HTR1F: variants seen among roughly 807,000 people sequenced by gnomAD.
HTR1F encodes 5-hydroxytryptamine receptor 1F.
Under a neutral mutation model 24.0 loss-of-function variants are expected in HTR1F, and 17 were observed. That is an observed-to-expected ratio of 0.71 (90% CI 0.48 to 1.06). HTR1F has a LOEUF of 1.06. Among genes scored for constraint, HTR1F ranks in the 50% least tolerant of loss-of-function variants. HTR1F has a pLI of 0.00. For missense variants in HTR1F, 391 were observed against 427.8 expected (o/e 0.91, Z 0.76); for synonymous variants, 186 against 156.8 (o/e 1.19, Z -1.39).
chr3:87,952,617 C>T (rs1286043064), intron 2 of HTR1F, among the ~76,000 whole-genome samples: 2 of 151,976 alleles, frequency 1.3e-5, no homozygotes, highest in Non-Finnish European at 2.9e-5. Flanking sequence ...AATTTAAAAA[C>T]CTGTTTCTCA....
chr3:87,902,475 C>T (rs1044631287), intron 2 of HTR1F, among the ~76,000 whole-genome samples: 33 of 151,878 alleles, frequency 2.2e-4, no homozygotes, highest in African/African-American at 7.5e-4. Context: ...TAGAAGGTAA[C>T]GTACTTCATG....
intron 2 of HTR1F, among the ~76,000 whole-genome samples, chr3:87,913,221 G>A (rs145196476): frequency 4.6e-5 from 7 of 152,038 alleles, no homozygotes; most frequent in African/African-American, 1.4e-4. Flanking sequence ...GCACCTATAA[G>A]GAACCTAAAA....
chr3:87,928,488 A>G (rs1196533848), intron 2 of HTR1F, among the ~76,000 whole-genome samples: 1 of 152,066 alleles, frequency 6.6e-6, no homozygotes, highest in Non-Finnish European at 1.5e-5. Flanking sequence ...TTTTTATTTC[A>G]TGACTATATA....
At chr3:87,809,855 T>G (rs1443875987) in intron 1 of HTR1F, among the ~76,000 whole-genome samples, 2 of 152,100 alleles carry the variant, frequency 1.3e-5, no homozygotes, top group Non-Finnish European at 2.9e-5. Flanking sequence ...TTTTCCTTTC[T>G]TTAAGTTTGC....
At chr3:87,883,293 C>G (rs1575984551) in intron 2 of HTR1F, among the ~76,000 whole-genome samples, 1 of 152,006 alleles carries the variant, frequency 6.6e-6, no homozygotes, top group Non-Finnish European at 1.5e-5. Context: ...AAAAAGGACA[C>G]CCACACTAAA....
At chr3:87,820,270 G>C (rs1704330900) in intron 1 of HTR1F, among the ~76,000 whole-genome samples, 1 of 147,228 alleles carries the variant, frequency 6.8e-6, no homozygotes, top group Non-Finnish European at 1.5e-5. Flanking sequence ...TCCGCCTCCC[G>C]GGTTCACGCC....
intron 2 of HTR1F, among the ~76,000 whole-genome samples, chr3:87,912,114 G>T (rs1231114799): frequency 6.6e-6 from 1 of 151,762 alleles, no homozygotes; most frequent in Non-Finnish European, 1.5e-5. Context: ...AGGAAGAAAG[G>T]AAGTCAAACT....
In HTR1F at chr3:87,954,874, C is replaced by G. The variant is rs186234857; in HGVS notation, c.-42-35834C>G. ...ACTTATTAAACTTTCAACTCATTTT[C>G]CTGTTTTCAACCCCGTTCAACATCG... On this transcript the variant is annotated intron_variant, in intron 2 of 2. Coordinates refer to ENST00000319595, the MANE Select transcript of HTR1F (RefSeq NM_001322209.2). 4.0e-3 allele frequency among the ~76,000 whole-genome samples: 607 copies of G among 151,492 alleles called. 3 individuals are homozygous for G. Among genetic ancestry groups the G allele is most frequent in the Non-Finnish European group, 5.4e-3 (366 of 67,512 alleles).
chr3:87,871,539 G>C (rs554463982), intron 2 of HTR1F, among the ~76,000 whole-genome samples: 1 of 152,100 alleles, frequency 6.6e-6, no homozygotes, highest in Non-Finnish European at 1.5e-5. Context: ...GAAGAAAATG[G>C]ACATCTAAAT....
chr3:87,797,079 C>T (rs1023195991), intron 1 of HTR1F, among the ~76,000 whole-genome samples: 2 of 152,122 alleles, frequency 1.3e-5, no homozygotes, highest in African/African-American at 2.4e-5. Context: ...TTCAGACATA[C>T]AAAAATCATG....
intron 2 of HTR1F, among the ~76,000 whole-genome samples, chr3:87,854,515 T>A (rs1705158039): frequency 6.6e-6 from 1 of 152,004 alleles, no homozygotes; most frequent in Admixed American, 6.6e-5. Flanking sequence ...CTGAGTACAG[T>A]TTTTGTTGCT....
intron 2 of HTR1F, among the ~76,000 whole-genome samples, chr3:87,889,337 T>A (rs1210125103): frequency 1.3e-5 from 2 of 152,196 alleles, no homozygotes; most frequent in African/African-American, 4.8e-5. Flanking sequence ...AAATTGTGAA[T>A]GACTAAATTT....
intron 2 of HTR1F, among the ~76,000 whole-genome samples, chr3:87,859,410 C>A (rs1310653845): frequency 1.3e-5 from 2 of 152,142 alleles, no homozygotes; most frequent in Non-Finnish European, 2.9e-5. Flanking sequence ...CTGCAGACAA[C>A]AACAAGAATG....
Position 87,832,367 on chromosome 3 carries a change from G to A in HTR1F, c.-43+10243G>A, listed in dbSNP as rs535748863. ...TTTTGAGATGGAGTCTCGCTCTGTC[G>A]CCCAGGCTGGAGTGCAGTGGCGCGA... On this transcript the variant is annotated intron_variant, in intron 2 of 2. Coordinates refer to ENST00000319595, the MANE Select transcript of HTR1F (RefSeq NM_001322209.2). Among the ~76,000 whole-genome samples the A allele has an allele frequency of 8.9e-4, 117 of 130,960 alleles. 3 individuals carry two copies. The South Asian group carries it at 0.022, about 25-fold the overall frequency. 85.9% of individuals were successfully genotyped at this position (130,960 alleles called of 152,430 possible).
intron 2 of HTR1F, among the ~76,000 whole-genome samples, chr3:87,967,617 G>T (rs920289793): frequency 6.6e-6 from 1 of 151,632 alleles, no homozygotes; most frequent in African/African-American, 2.4e-5. Flanking sequence ...TTCCTGTGCT[G>T]TTCTCATGAT....
At chr3:87,915,968 T>C (rs1278821585) in intron 2 of HTR1F, among the ~76,000 whole-genome samples, 1 of 152,108 alleles carries the variant, frequency 6.6e-6, no homozygotes, top group Admixed American at 6.6e-5. Flanking sequence ...AAGCATCAGG[T>C]AACCTATAAA....
chr3:87,889,504 C>T (rs185112772), intron 2 of HTR1F, among the ~76,000 whole-genome samples: 10 of 152,108 alleles, frequency 6.6e-5, no homozygotes, highest in East Asian at 5.8e-4. Context: ...GCATAGAAAA[C>T]ATCTCTTTTT....
chr3:87,840,634 G>A (rs1272468791), intron 2 of HTR1F, among the ~76,000 whole-genome samples: 1 of 149,996 alleles, frequency 6.7e-6, no homozygotes, highest in Admixed American at 6.6e-5. Flanking sequence ...ATGCTGAAAA[G>A]ATATCCACAC....
At chr3:87,892,944 AAGG>A (rs1482420970) in intron 2 of HTR1F, among the ~76,000 whole-genome samples, 1 of 152,074 alleles carries the variant, frequency 6.6e-6, no homozygotes, top group Non-Finnish European at 1.5e-5. Flanking sequence ...AAATTCCTGA[AAGG>A]AGAAGGGAAC....
Sources: allele counts gnomAD v4.1 joint callset (sites outside exome capture counted in the v4.1 genomes callset), GRCh38; gene constraint gnomAD v4.1.1; transcripts MANE v1.5; gene names NCBI Gene and HGNC (gene_info 2026-07-23, HGNC 2026-07-21).